Variants in PHACTR1 observed in about 807,000 individuals in gnomAD.
The protein encoded by PHACTR1 is phosphatase and actin regulator 1.
In PHACTR1, 16 loss-of-function variants were observed where a neutral mutation model predicts 69.2. That is an observed-to-expected ratio of 0.23 (90% confidence interval 0.16 to 0.35). The LOEUF (loss-of-function observed/expected upper bound fraction) is 0.35, where lower values mean the gene tolerates loss of function less well. PHACTR1 is among the 10% of genes least tolerant of loss of function. The pLI is 1.00. For missense variants in PHACTR1, 510 were observed against 734.7 expected, an observed-to-expected ratio of 0.69 and a Z score of 3.54; for synonymous variants, 312 against 284.5, an observed-to-expected ratio of 1.10 and a Z score of -0.97.
chr6:12,939,748 G>A (rs1243179423), intron 4 of PHACTR1, among the ~76,000 whole-genome samples: 1 of 151,930 alleles, frequency 6.6e-6, no homozygotes, highest in Non-Finnish European at 1.5e-5. Flanking sequence ...CACTGGCAGA[G>A]GTGGGCTCAA....
At chr6:12,770,713 A>C (rs1175188885) in intron 4 of PHACTR1, among the ~76,000 whole-genome samples, 2 of 152,170 alleles carry the variant, frequency 1.3e-5, no homozygotes, top group Non-Finnish European at 2.9e-5. Context: ...ATTGAGGAGC[A>C]CCCATGAGAG....
chr6:12,889,178 A>G (rs760620933), intron 4 of PHACTR1, among the ~76,000 whole-genome samples: 3 of 152,198 alleles, frequency 2.0e-5, no homozygotes, highest in Non-Finnish European at 4.4e-5. Context: ...AGGCTGAGGC[A>G]GGAGGATGGT....
chr6:13,029,498 C>T lies in PHACTR1; in HGVS notation c.251-23867C>T, dbSNP rs528315887. 3.9e-5 allele frequency among the ~76,000 whole-genome samples: 6 copies of T among 152,214 alleles called. No individual in the cohort carries two copies. The South Asian group carries it at 1.2e-3, about 32-fold the overall frequency. On this transcript the variant is annotated intron_variant, in intron 4 of 14. Coordinates refer to ENST00000332995, the MANE Select transcript of PHACTR1 (RefSeq NM_030948.6). The stretch of plus-strand genomic sequence containing the variant: ...GCTAGTGACGGCAGAATTTAATGGG[C>T]TTCACTCATATAGTACTGCCATCAT...
At chr6:12,815,922 T>A (rs1775533037) in intron 4 of PHACTR1, among the ~76,000 whole-genome samples, 1 of 152,174 alleles carries the variant, frequency 6.6e-6, no homozygotes, top group South Asian at 2.1e-4. Flanking sequence ...TTATGCTCCG[T>A]TTCCAAGTGA....
intron 4 of PHACTR1, among the ~76,000 whole-genome samples, chr6:12,894,865 G>T (rs919165849): frequency 6.6e-6 from 1 of 152,106 alleles, no homozygotes; most frequent in African/African-American, 2.4e-5. Context: ...CACAGATCTT[G>T]ATTAATATTT....
At chr6:13,165,378 A>T (rs941128369) in intron 6 of PHACTR1, among the ~76,000 whole-genome samples, 1 of 152,218 alleles carries the variant, frequency 6.6e-6, no homozygotes, top group Non-Finnish European at 1.5e-5. Flanking sequence ...AACAAAGTTT[A>T]ATTAAACAAA....
At chr6:13,156,852 G>A (rs1758251592) in intron 5 of PHACTR1, among the ~76,000 whole-genome samples, 1 of 152,082 alleles carries the variant, frequency 6.6e-6, no homozygotes, top group African/African-American at 2.4e-5. Flanking sequence ...ACATCTAGTT[G>A]TGTCTACATT....
chr6:12,955,876 T>C (rs1424516395), intron 4 of PHACTR1, among the ~76,000 whole-genome samples: 3 of 152,192 alleles, frequency 2.0e-5, no homozygotes, highest in Non-Finnish European at 2.9e-5. Context: ...GACACTGGCT[T>C]CTCTGGGTCT....
At chr6:12,742,259 G>A (rs1765150063) in intron 3 of PHACTR1, among the ~76,000 whole-genome samples, 1 of 152,160 alleles carries the variant, frequency 6.6e-6, no homozygotes, top group African/African-American at 2.4e-5. Flanking sequence ...TCCAGGAAAG[G>A]GGTGGGTGGT....
At chr6:12,827,440 C>A (rs1307162527) in intron 4 of PHACTR1, among the ~76,000 whole-genome samples, 1 of 152,142 alleles carries the variant, frequency 6.6e-6, no homozygotes, top group African/African-American at 2.4e-5. Flanking sequence ...TCCAAAGATG[C>A]CATTCATTCT....
intron 7 of PHACTR1, among the ~76,000 whole-genome samples, chr6:13,193,367 A>G (rs1233666572): frequency 9.7e-6 from 1 of 103,618 alleles, no homozygotes; most frequent in Non-Finnish European, 2.0e-5. Flanking sequence ...GTATATATAT[A>G]TATATATATA....
At chr6:12,804,250 T>C (rs979395318) in intron 4 of PHACTR1, among the ~76,000 whole-genome samples, 2 of 152,230 alleles carry the variant, frequency 1.3e-5, no homozygotes, top group African/African-American at 4.8e-5. Context: ...TATATTTGGA[T>C]CAAAGAAAAC....
intron 4 of PHACTR1, among the ~76,000 whole-genome samples, chr6:12,966,423 G>C (rs540654919): frequency 7.9e-5 from 12 of 152,294 alleles, no homozygotes; most frequent in South Asian, 2.1e-4. Context: ...GCACAGAACA[G>C]GGAATGCAAA....
At chr6:13,128,703 A>G (rs1819939291) in intron 5 of PHACTR1, among the ~76,000 whole-genome samples, 1 of 152,118 alleles carries the variant, frequency 6.6e-6, no homozygotes, top group South Asian at 2.1e-4. Flanking sequence ...GAAGAAGAGA[A>G]ATCTAAAAGT....
intron 10 of PHACTR1, among the ~76,000 whole-genome samples, chr6:13,237,516 G>C (rs1283056714): frequency 6.6e-6 from 1 of 152,178 alleles, no homozygotes; most frequent in Non-Finnish European, 1.5e-5. Context: ...TATTCATGAA[G>C]TCTGTGTGCA....
chr6:13,198,544 C>A (rs2113829840), intron 7 of PHACTR1, among the ~76,000 whole-genome samples: 1 of 152,044 alleles, frequency 6.6e-6, no homozygotes, highest in Non-Finnish European at 1.5e-5. Flanking sequence ...CTTTTGGCTT[C>A]CCTGGCCCAC....
intron 5 of PHACTR1, among the ~76,000 whole-genome samples, chr6:13,062,011 A>G (rs1430301081): frequency 2.0e-5 from 3 of 152,160 alleles, no homozygotes; most frequent in Non-Finnish European, 4.4e-5. Flanking sequence ...TTGCTTGTTC[A>G]TCTTCCATGC....
At chr6:12,778,464 T>G (rs1561873377) in intron 4 of PHACTR1, among the ~76,000 whole-genome samples, 1 of 152,250 alleles carries the variant, frequency 6.6e-6, no homozygotes, top group Non-Finnish European at 1.5e-5. Flanking sequence ...AGGAAAGTCT[T>G]CATTTATTCT....
chr6:13,003,115 A>G (rs1363866057), intron 4 of PHACTR1, among the ~76,000 whole-genome samples: 1 of 152,210 alleles, frequency 6.6e-6, no homozygotes, highest in Non-Finnish European at 1.5e-5. Flanking sequence ...CAATTTGGGA[A>G]AAGAAAGAGA....
Sources: gnomAD v4.1 joint callset for allele counts (sites outside exome capture counted in the v4.1 genomes callset) on GRCh38, gnomAD v4.1.1 for gene constraint, MANE v1.5 for transcripts, NCBI Gene and HGNC (gene_info 2026-07-23, HGNC 2026-07-21) for gene names.